The following GLRA3 variants were observed in gnomAD, a reference collection of about 807,000 sequenced individuals.
The protein encoded by GLRA3 is glycine receptor alpha 3.
GLRA3 carries 44 observed loss-of-function variants against 60.4 expected under a neutral mutation model. That is an observed-to-expected ratio of 0.73 (90% CI 0.57 to 0.94). The LOEUF (loss-of-function observed/expected upper bound fraction) is 0.94. Among genes scored for constraint, GLRA3 ranks in the 40% least tolerant of loss-of-function variants. The probability of loss-of-function intolerance (pLI) is 0.00; values close to 1 mark genes in which losing one functional copy is unlikely to be tolerated. For synonymous variants in GLRA3, 223 were observed against 192.9 expected (o/e 1.16, Z -1.29); for missense variants, 508 against 564.6 (o/e 0.90, Z 1.02).
intron 1 of GLRA3, among the ~76,000 whole-genome samples, chr4:174,814,185 G>A (rs535389829): frequency 6.6e-6 from 1 of 152,306 alleles, no homozygotes; most frequent in South Asian, 2.1e-4. Context: ...ACAGCCTTTT[G>A]CACTTGCCTT....
intron 5 of GLRA3, among the ~76,000 whole-genome samples, chr4:174,705,557 G>T (rs1310018180): frequency 6.9e-6 from 1 of 143,996 alleles, no homozygotes; most frequent in Non-Finnish European, 1.5e-5. Context: ...GTAGAACCTG[G>T]GTAAATACAA....
chr4:174,826,922 A>G (rs1204300808), intron 1 of GLRA3, among the ~76,000 whole-genome samples: 3 of 150,696 alleles, frequency 2.0e-5, no homozygotes, highest in Non-Finnish European at 4.4e-5. Context: ...GGTCATCACT[A>G]AAAGTGAAAA....
At chr4:174,808,792 T>A (rs1298393795) in intron 1 of GLRA3, among the ~76,000 whole-genome samples, 1 of 152,002 alleles carries the variant, frequency 6.6e-6, no homozygotes, top group African/African-American at 2.4e-5. Context: ...AAAAAAAAAT[T>A]TAAATGTGAA....
Position 174,792,747 on chromosome 4 carries a change from G to C in GLRA3, c.72-3804C>G, listed in dbSNP as rs373973909. 6.9e-4 allele frequency among the ~76,000 whole-genome samples: 105 copies of C among 152,254 alleles called. No homozygotes were observed. The South Asian group carries it at 0.021, about 30-fold the overall frequency. ...TTCAGGAAAAAGGCTTTTGGCGGTGGGTGAACTCCAAGTTAGGTCACAGAA... is the reference window on the plus strand; with the variant it reads ...TTCAGGAAAAAGGCTTTTGGCGGTGCGTGAACTCCAAGTTAGGTCACAGAA... On this transcript the variant is annotated intron_variant, in intron 1 of 9. Transcript: ENST00000274093.
At position 174,679,609 on chromosome 4, in the gene GLRA3, G is replaced by A. The variant is rs187160961; in HGVS notation, c.713-2317C>T. Among the ~76,000 whole-genome samples, 993 of 152,316 alleles carry A rather than the reference G, an allele frequency of 6.5e-3. 4 individuals are homozygous for A. Among genetic ancestry groups the A allele is most frequent in the Middle Eastern group, 0.017 (5 of 294 alleles). On this transcript the variant is annotated intron_variant, in intron 6 of 9. Transcript: ENST00000274093. The stretch of plus-strand genomic sequence containing the variant: ...GTTTGTTGAAGCCCTATTCACAATA[G>A]CTAAGATAAGGAACCAACCCAAGTG...
At chr4:174,714,433 C>T (rs1735831153) in intron 5 of GLRA3, among the ~76,000 whole-genome samples, 1 of 152,142 alleles carries the variant, frequency 6.6e-6, no homozygotes, top group Non-Finnish European at 1.5e-5. Flanking sequence ...AGTACTTTAT[C>T]CATATGTATG....
At chr4:174,734,821 GAATGC>G (rs766440686) in intron 3 of GLRA3, among the ~76,000 whole-genome samples, 82 of 151,976 alleles carry the variant, frequency 5.4e-4, no homozygotes, top group Non-Finnish European at 1.1e-3. Context: ...CTGTACACTC[GAATGC>G]AATAATTTCT....
chr4:174,754,891 C>T (rs1030885824), intron 3 of GLRA3, among the ~76,000 whole-genome samples: 2 of 152,188 alleles, frequency 1.3e-5, no homozygotes, highest in East Asian at 3.9e-4. Context: ...ATAAAAATTT[C>T]AGCATTTTTC....
At position 174,643,977 on chromosome 4, in the gene GLRA3, C is replaced by T. The variant is rs1380097889; in HGVS notation, c.1204G>A (p.Gly402Ser). The T allele has an allele frequency of 6.2e-7, 1 of 1,613,606 alleles. No individual in the cohort carries two copies. Among genetic ancestry groups the T allele is most frequent in the Non-Finnish European group, 8.5e-7 (1 of 1,179,826 alleles). The change falls in exon 10 of 10, where the codon GGC becomes AGC. Residue 402 changes from glycine to serine, a missense_variant. By Grantham distance (56) the Gly-to-Ser change is moderately conservative. Transcript: ENST00000274093. ...ATTACCTGGACAGGGTGGTTGGGGC[C>T]CTTTGGAGTCATGCCATCCTTTGCT... ...LQAKDGMTPK[G>S]PNHPVQVMPK...
intron 5 of GLRA3, among the ~76,000 whole-genome samples, chr4:174,697,366 GC>G (rs566466952): frequency 4.5e-4 from 68 of 152,306 alleles, no homozygotes; most frequent in African/African-American, 1.2e-3. Context: ...AATTCAAAAA[GC>G]AGAAGGAAGA....
At chr4:174,668,181 G>C (rs547635222) in intron 7 of GLRA3, among the ~76,000 whole-genome samples, 14 of 152,130 alleles carry the variant, frequency 9.2e-5, no homozygotes, top group Admixed American at 3.9e-4. Context: ...CAGAAGCCTG[G>C]ATAGCCCATA....
At chr4:174,715,038 G>A (rs1414559323) in intron 5 of GLRA3, among the ~76,000 whole-genome samples, 1 of 152,180 alleles carries the variant, frequency 6.6e-6, no homozygotes, top group Non-Finnish European at 1.5e-5. Context: ...GTTTGTCACT[G>A]TCACCTTTGT....
intron 1 of GLRA3, 108 bp from the exon 2 acceptor site, chr4:174,789,051 A>G (rs1172860162): frequency 6.1e-6 from 4 of 657,536 alleles, no homozygotes; most frequent in Non-Finnish European, 1.0e-5. Flanking sequence ...TGGCAACAAA[A>G]CATAAACCTT....
intron 1 of GLRA3, among the ~76,000 whole-genome samples, chr4:174,825,369 C>T (rs1740926448): frequency 6.6e-6 from 1 of 151,956 alleles, no homozygotes; most frequent in South Asian, 2.1e-4. Context: ...TTTACTAAGG[C>T]TTTGAAGTAA....
intron 1 of GLRA3, among the ~76,000 whole-genome samples, chr4:174,821,737 G>A (rs1560820297): frequency 6.6e-6 from 1 of 151,920 alleles, no homozygotes; most frequent in Non-Finnish European, 1.5e-5. Flanking sequence ...GTTTTTCATG[G>A]GGCAAAGAAC....
intron 5 of GLRA3, among the ~76,000 whole-genome samples, chr4:174,701,805 C>A (rs1735333327): frequency 6.6e-6 from 1 of 152,096 alleles, no homozygotes; most frequent in Non-Finnish European, 1.5e-5. Flanking sequence ...GCAGAAACAG[C>A]AAGAGAACTA....
intron 2 of GLRA3, among the ~76,000 whole-genome samples, chr4:174,788,144 T>C (rs1486410629): frequency 6.6e-6 from 1 of 152,076 alleles, no homozygotes; most frequent in East Asian, 1.9e-4. Context: ...GGAAGCAGCT[T>C]TCTAATATTT....
intron 2 of GLRA3, among the ~76,000 whole-genome samples, chr4:174,786,627 G>A (rs374901274): frequency 7.2e-5 from 11 of 152,268 alleles, no homozygotes; most frequent in African/African-American, 1.9e-4. Context: ...GAAATGACAC[G>A]GTGTTGAATA....
At position 174,752,095 on chromosome 4, in the gene GLRA3, T is replaced by C. The variant is rs145816525; in HGVS notation, c.267+14868A>G. Among the ~76,000 whole-genome samples, 680 of 152,262 alleles carry C rather than the reference T, an allele frequency of 4.5e-3. 6 individuals carry two copies. The highest frequency in any genetic ancestry group is 0.016 in the African/African-American group (651 of 41,562). ...GTGCATGGATGAGGAATAGCAATTATCTTTATAGCTAGTTATAATATGAAA... is the reference window on the plus strand; with the variant it reads ...GTGCATGGATGAGGAATAGCAATTACCTTTATAGCTAGTTATAATATGAAA... On this transcript the variant is annotated intron_variant, in intron 3 of 9. Coordinates refer to ENST00000274093, the MANE Select transcript of GLRA3 (RefSeq NM_006529.4).
Sources: allele counts gnomAD v4.1 joint callset (sites outside exome capture counted in the v4.1 genomes callset), GRCh38; gene constraint gnomAD v4.1.1; transcripts MANE v1.5; gene names NCBI Gene and HGNC (gene_info 2026-07-23, HGNC 2026-07-21).